UNC13C: variants seen among roughly 807,000 people sequenced by gnomAD.
The protein encoded by UNC13C is unc-13 homolog C.
Under a neutral mutation model 245.4 loss-of-function variants are expected in UNC13C, and 174 were observed. That is an observed-to-expected ratio of 0.71 (90% CI 0.63 to 0.80). The LOEUF (loss-of-function observed/expected upper bound fraction) is 0.80, where lower values mean the gene tolerates loss of function less well. Ranked by LOEUF, UNC13C falls within the 30% of genes least tolerant of loss-of-function variation. The pLI is 0.00. For missense variants in UNC13C, 2,829 were observed against 2,602.9 expected (o/e 1.09, Z -1.89); for synonymous variants, 992 against 895.1 (o/e 1.11, Z -1.93).
intron 17 of UNC13C, among the ~76,000 whole-genome samples, chr15:54,388,181 C>T (rs1238390459): frequency 6.6e-6 from 1 of 152,004 alleles, no homozygotes; most frequent in Non-Finnish European, 1.5e-5. Context: ...TGTTTCTTCA[C>T]CTTCCCTTCC....
chr15:54,038,118 A>ATTTTTTTT lies in UNC13C; in HGVS notation c.2983+22233_2983+22234insTTTTTTTT, dbSNP rs1297641805. On this transcript the variant is annotated intron_variant, in intron 2 of 32. Transcript: ENST00000260323. ...CATATACATATATATATATATATAT[A>ATTTTTTTT]TATATATTTTTTTTTTTTTTTTCCT... is the stretch of plus-strand genomic sequence containing the variant. Among the ~76,000 whole-genome samples the ATTTTTTTT allele has an allele frequency of 5.7e-3, 163 of 28,742 alleles. 7 individuals carry two copies. The highest frequency in any genetic ancestry group is 0.015 in the East Asian group (11 of 712). The allele number at this position is 28,742 out of a possible 152,430, so 18.9% of individuals were successfully genotyped here. A position where few individuals can be genotyped will look rare whatever the true frequency, so the allele number is the denominator to read the frequency against.
chr15:54,620,681 G>C (rs1900741846), intron 30 of UNC13C, among the ~76,000 whole-genome samples: 1 of 151,642 alleles, frequency 6.6e-6, no homozygotes, highest in African/African-American at 2.4e-5. Context: ...AGGTACTTGG[G>C]AAGCTGAGGT....
chr15:54,494,191 C>G (rs1031856464), intron 19 of UNC13C, among the ~76,000 whole-genome samples: 2 of 152,068 alleles, frequency 1.3e-5, no homozygotes, highest in African/African-American at 2.4e-5. Context: ...ACGTAACAAA[C>G]CTGCACGTTG....
chr15:54,123,584 G>GA (rs1265085219), intron 2 of UNC13C, among the ~76,000 whole-genome samples: 5 of 151,780 alleles, frequency 3.3e-5, no homozygotes, highest in East Asian at 3.9e-4. Context: ...CTGCTTATTT[G>GA]AAAAAAATTA....
At chr15:53,971,620 A>G in the UNC13C span, among the ~76,000 whole-genome samples, 1 of 152,160 alleles carries the variant, frequency 6.6e-6, no homozygotes, top group African/African-American at 2.4e-5. Context: ...GTGTTATAAG[A>G]GGGCAATATT....
At chr15:54,366,733 T>A (rs2039373880) in intron 17 of UNC13C, among the ~76,000 whole-genome samples, 1 of 152,206 alleles carries the variant, frequency 6.6e-6, no homozygotes, top group Non-Finnish European at 1.5e-5. Flanking sequence ...TGATTTTTTT[T>A]ATTAAGCATC....
intron 1 of UNC13C, among the ~76,000 whole-genome samples, chr15:53,994,579 T>A (rs986343211): frequency 2.0e-5 from 3 of 152,066 alleles, no homozygotes; most frequent in Non-Finnish European, 4.4e-5. Context: ...TCTGTAAGCA[T>A]CTATGTTCTA....
intron 4 of UNC13C, among the ~76,000 whole-genome samples, chr15:54,197,707 G>C (rs2034401718): frequency 6.6e-6 from 1 of 152,098 alleles, no homozygotes; most frequent in Non-Finnish European, 1.5e-5. Context: ...AGGATAGGAG[G>C]CAGGACTGGC....
intron 19 of UNC13C, among the ~76,000 whole-genome samples, chr15:54,438,832 C>G (rs148651037): frequency 6.6e-6 from 1 of 151,984 alleles, no homozygotes; most frequent in African/African-American, 2.4e-5. Context: ...CCTCAATAAC[C>G]CTTCAAGATC....
chr15:54,404,381 G>T (rs1555459649), intron 18 of UNC13C, among the ~76,000 whole-genome samples: 1 of 152,006 alleles, frequency 6.6e-6, no homozygotes, highest in Non-Finnish European at 1.5e-5. Flanking sequence ...TAATAAATTG[G>T]ATTATTAAAT....
At chr15:53,944,608 G>A in the UNC13C span, among the ~76,000 whole-genome samples, 3 of 152,132 alleles carry the variant, frequency 2.0e-5, no homozygotes, top group Non-Finnish European at 2.9e-5. Context: ...TTTTGTTGCT[G>A]TATAGTATAT....
intron 18 of UNC13C, among the ~76,000 whole-genome samples, chr15:54,399,091 G>A (rs554721077): frequency 6.6e-6 from 1 of 151,720 alleles, no homozygotes; most frequent in East Asian, 1.9e-4. Flanking sequence ...TAAATCAAAA[G>A]ATCTTTATGA....
chr15:54,111,869 C>G (rs755309744), intron 2 of UNC13C, among the ~76,000 whole-genome samples: 1 of 152,128 alleles, frequency 6.6e-6, no homozygotes, highest in Non-Finnish European at 1.5e-5. Flanking sequence ...GAATCATCAA[C>G]CTTTCAAAGT....
chr15:54,494,311 A>G (rs1167593530), intron 19 of UNC13C, among the ~76,000 whole-genome samples: 5 of 152,170 alleles, frequency 3.3e-5, no homozygotes, highest in East Asian at 1.9e-4. Flanking sequence ...TTGCAGATAA[A>G]CAGAAATTTT....
rs1381048166 is a variant in UNC13C at position 54,014,500 on chromosome 15, C to T, written c.1597C>T (p.Pro533Ser). 2.5e-6 allele frequency: 4 copies of T among 1,613,720 alleles called. No homozygotes were observed. The African/African-American group carries it at 5.3e-5, about 22-fold the overall frequency. Reference sequence around the variant, plus strand: ...CACAACCCATTATGCAGATGCAACACCTCTCTGGCACTCACAGAGTGATTT... The same window carrying T: ...CACAACCCATTATGCAGATGCAACATCTCTCTGGCACTCACAGAGTGATTT... ...QTTTHYADAT[P>S]LWHSQSDFFT... Residue 533 changes from proline to serine, a missense_variant, in exon 2 of 33, where the codon CCT (proline) becomes TCT (serine). Physicochemically the swap from Pro to Ser is moderately conservative, Grantham distance 74 (BLOSUM62 -1). Coordinates refer to ENST00000260323, the MANE Select transcript of UNC13C (RefSeq NM_001080534.3).
intron 18 of UNC13C, among the ~76,000 whole-genome samples, chr15:54,393,829 G>T (rs2040014447): frequency 6.6e-6 from 1 of 151,756 alleles, no homozygotes; most frequent in Non-Finnish European, 1.5e-5. Flanking sequence ...AAATAAAGGT[G>T]TTATTATTAG....
At chr15:54,498,683 AT>A (rs1894059944) in intron 20 of UNC13C, among the ~76,000 whole-genome samples, 1 of 152,296 alleles carries the variant, frequency 6.6e-6, no homozygotes, top group Admixed American at 6.5e-5. Flanking sequence ...ATCACCACAA[AT>A]AAATGTGATG....
intron 19 of UNC13C, among the ~76,000 whole-genome samples, chr15:54,472,358 T>C (rs1449305359): frequency 6.6e-6 from 1 of 151,858 alleles, no homozygotes; most frequent in Non-Finnish European, 1.5e-5. Context: ...CCTTTTAAAC[T>C]TTTTACTGAA....
intron 23 of UNC13C, among the ~76,000 whole-genome samples, chr15:54,508,592 T>G (rs891065305): frequency 5.3e-5 from 8 of 152,180 alleles, no homozygotes; most frequent in African/African-American, 1.9e-4. Flanking sequence ...GTGCTTTTCT[T>G]CCATAATTAC....
Sources: allele counts gnomAD v4.1 joint callset (sites outside exome capture counted in the v4.1 genomes callset), GRCh38; gene constraint gnomAD v4.1.1; transcripts MANE v1.5; gene names NCBI Gene and HGNC (gene_info 2026-07-23, HGNC 2026-07-21).